ROBO1: variants seen among roughly 807,000 people sequenced by gnomAD.
ROBO1 encodes roundabout homolog 1.
ROBO1 carries 149 observed loss-of-function variants against 195.9 expected under a neutral mutation model. That is an observed-to-expected ratio of 0.76 (90% confidence interval 0.67 to 0.87). The LOEUF (loss-of-function observed/expected upper bound fraction) is 0.87. Among genes scored for constraint, ROBO1 ranks in the 40% least tolerant of loss-of-function variants. ROBO1 has a pLI of 0.00. For missense variants in ROBO1, 1,933 were observed against 2,068.3 expected (o/e 0.93, Z 1.27); for synonymous variants, 816 against 733.2 (o/e 1.11, Z -1.82).
At chr3:78,718,976 G>A (rs1356889879) in intron 5 of ROBO1, among the ~76,000 whole-genome samples, 1 of 152,188 alleles carries the variant, frequency 6.6e-6, no homozygotes, top group Non-Finnish European at 1.5e-5. Context: ...TTGTAAAGGT[G>A]AGGTCCCCTC....
chr3:79,097,092 A>G (rs1293306545), intron 3 of ROBO1, among the ~76,000 whole-genome samples: 2 of 151,970 alleles, frequency 1.3e-5, no homozygotes, highest in South Asian at 2.1e-4. Flanking sequence ...TAGCTGAAAT[A>G]TGGATGTAAA....
At chr3:79,202,267 A>C (rs1259431372) in intron 2 of ROBO1, among the ~76,000 whole-genome samples, 1 of 152,090 alleles carries the variant, frequency 6.6e-6, no homozygotes, top group East Asian at 1.9e-4. Context: ...AAGTTCAGTA[A>C]ATATTTATTA....
rs1703096607 is a variant in ROBO1, at chr3:78,600,303, A to G, written c.4751T>C (p.Ile1584Thr). Reference sequence around the variant, plus strand: ...AAAAGTAGGTCTACAATAAGGTAGAATATCCTCTGTGTAATGAAATATAAT... The same window carrying G: ...AAAAGTAGGTCTACAATAAGGTAGAGTATCCTCTGTGTAATGAAATATAAT... Reference protein sequence around the residue: ...PAKTHLIQEDILPYCRPTFPT... With the variant: ...PAKTHLIQEDTLPYCRPTFPT... Residue 1584 changes from isoleucine (I) to threonine (T), a missense_variant, in exon 30 of 31, where the codon ATT becomes ACT. Coordinates refer to ENST00000464233, the MANE Select transcript of ROBO1 (RefSeq NM_002941.4). 17 of 1,596,476 alleles carry G rather than the reference A, an allele frequency of 1.1e-5. No individual in the cohort carries two copies. The East Asian group carries it at 3.8e-4, about 36-fold the overall frequency.
At chr3:79,187,211 A>T (rs1378636) in intron 2 of ROBO1, among the ~76,000 whole-genome samples, 8,126 of 152,030 alleles carry the variant, frequency 0.053, 279 homozygotes, top group Middle Eastern at 0.099. Context: ...ATATGGAAAA[A>T]CTTTCTGAGC....
intron 2 of ROBO1, among the ~76,000 whole-genome samples, chr3:79,445,009 G>A (rs913444758): frequency 2.0e-5 from 3 of 151,782 alleles, no homozygotes; most frequent in African/African-American, 4.8e-5. Context: ...AAGAAGAATA[G>A]CAAGCAGAAG....
intron 3 of ROBO1, among the ~76,000 whole-genome samples, chr3:78,947,161 C>T (rs570724919): frequency 3.9e-5 from 6 of 152,266 alleles, no homozygotes; most frequent in East Asian, 3.9e-4. Flanking sequence ...CTCAGCTCTG[C>T]ACCAAGCGGA....
intron 2 of ROBO1, among the ~76,000 whole-genome samples, chr3:79,522,230 T>A (rs1057464776): frequency 6.6e-6 from 1 of 152,152 alleles, no homozygotes; most frequent in African/African-American, 2.4e-5. Flanking sequence ...GAGGATTGCC[T>A]TCAAGACCCT....
intron 1 of ROBO1, among the ~76,000 whole-genome samples, chr3:79,656,326 A>G (rs1290783427): frequency 6.6e-6 from 1 of 151,912 alleles, no homozygotes; most frequent in African/African-American, 2.4e-5. Context: ...ATTACTACCC[A>G]TTGAGACACA....
chr3:79,338,878 C>T (rs1046300300), intron 2 of ROBO1, among the ~76,000 whole-genome samples: 16 of 151,994 alleles, frequency 1.1e-4, no homozygotes, highest in Admixed American at 1.0e-3. Flanking sequence ...TTGTTATTTC[C>T]ATTTGTATAT....
At chr3:78,834,740 T>A (rs548604222) in intron 4 of ROBO1, among the ~76,000 whole-genome samples, 1 of 152,090 alleles carries the variant, frequency 6.6e-6, no homozygotes, top group Admixed American at 6.6e-5. Context: ...ACCTGAGGGG[T>A]TGACCTGGTT....
At chr3:79,253,006 G>A (rs1431241814) in intron 2 of ROBO1, among the ~76,000 whole-genome samples, 2 of 152,028 alleles carry the variant, frequency 1.3e-5, no homozygotes, top group African/African-American at 4.8e-5. Flanking sequence ...TTATGTTAGG[G>A]CACTTGGAAT....
At position 78,927,417 on chromosome 3, in the gene ROBO1, T is replaced by C. The variant is rs1254147119; in HGVS notation, c.499+11184A>G. Among the ~76,000 whole-genome samples, 3 of 152,172 alleles carry C rather than the reference T, an allele frequency of 2.0e-5. No homozygotes were observed. The East Asian group carries it at 5.8e-4, about 29-fold the overall frequency. ...CACAAAATGTCTACCCAAAACATTTTCTGGGAAAAACAAGACAGATTATTC... is the reference window on the plus strand; with the variant it reads ...CACAAAATGTCTACCCAAAACATTTCCTGGGAAAAACAAGACAGATTATTC... On this transcript the variant is annotated intron_variant, in intron 4 of 30. Coordinates refer to ENST00000464233, the MANE Select transcript of ROBO1 (RefSeq NM_002941.4).
intron 4 of ROBO1, among the ~76,000 whole-genome samples, chr3:78,838,962 A>G (rs753344734): frequency 9.8e-5 from 15 of 152,298 alleles, no homozygotes; most frequent in Admixed American, 2.0e-4. Context: ...ACTCTGGGCT[A>G]GTGTCATGTT....
chr3:78,681,681 G>GATCA (rs1403784585), intron 10 of ROBO1, among the ~76,000 whole-genome samples: 1 of 152,128 alleles, frequency 6.6e-6, no homozygotes, highest in African/African-American at 2.4e-5. Flanking sequence ...GAGGCGGGTG[G>GATCA]ATCACGAGGT....
intron 4 of ROBO1, among the ~76,000 whole-genome samples, chr3:78,860,326 A>ATATATATATTTT (rs376853384): frequency 1.2e-3 from 108 of 93,508 alleles, no homozygotes; most frequent in African/African-American, 1.9e-3. Context: ...ATATATATAT[A>ATATATATATTTT]TTTTTTTTTT....
At chr3:78,748,471 A>C (rs1162714268) in intron 4 of ROBO1, among the ~76,000 whole-genome samples, 13 of 139,828 alleles carry the variant, frequency 9.3e-5, no homozygotes, top group Non-Finnish European at 1.7e-4. Flanking sequence ...ATAAATAAAT[A>C]AATCCTATTG....
chr3:79,492,960 C>T (rs1317483526), intron 2 of ROBO1, among the ~76,000 whole-genome samples: 3 of 152,040 alleles, frequency 2.0e-5, no homozygotes, highest in Non-Finnish European at 2.9e-5. Context: ...CAAGTCAACA[C>T]TGTATTACTT....
intron 2 of ROBO1, among the ~76,000 whole-genome samples, chr3:79,575,188 ATATATAAAT>A (rs1943420755): frequency 1.0e-5 from 1 of 100,450 alleles, no homozygotes; most frequent in Non-Finnish European, 2.0e-5. Context: ...TATATAACAT[ATATATAAAT>A]ATATATATAA....
intron 2 of ROBO1, among the ~76,000 whole-genome samples, chr3:79,533,720 T>A (rs994138844): frequency 2.0e-5 from 3 of 152,182 alleles, no homozygotes; most frequent in Non-Finnish European, 2.9e-5. Flanking sequence ...TTTTAATCGA[T>A]TTACAAGCTC....
Sources: allele counts gnomAD v4.1 joint callset (sites outside exome capture counted in the v4.1 genomes callset), GRCh38; gene constraint gnomAD v4.1.1; transcripts MANE v1.5; gene names NCBI Gene and HGNC (gene_info 2026-07-23, HGNC 2026-07-21).